The following MECOM variants were observed in gnomAD, a reference collection of about 807,000 sequenced individuals.
MECOM encodes the protein MDS1 and EVI1 complex locus.
MECOM carries 13 observed loss-of-function variants against 116.3 expected under a neutral mutation model. The ratio of observed to expected loss-of-function variants is 0.11; its 90% CI spans 0.07 to 0.18. The LOEUF (loss-of-function observed/expected upper bound fraction) is 0.18. Ranked by LOEUF, MECOM falls within the 10% of genes least tolerant of loss-of-function variation. The pLI is 1.00. For synonymous variants in MECOM, 528 were observed against 535.2 expected, an observed-to-expected ratio of 0.99 and a Z score of 0.19; for missense variants, 1,299 against 1,509.0, an observed-to-expected ratio of 0.86 and a Z score of 2.31.
chr3:169,190,157 T>C (rs766440360), intron 2 of MECOM, among the ~76,000 whole-genome samples: 118 of 152,194 alleles, frequency 7.8e-4, no homozygotes, highest in Non-Finnish European at 1.4e-3. Flanking sequence ...AACACAAAAA[T>C]AGTATTCACA....
chr3:169,503,531 T>C (rs1754807875), intron 1 of MECOM, among the ~76,000 whole-genome samples: 1 of 152,194 alleles, frequency 6.6e-6, no homozygotes, highest in South Asian at 2.1e-4. Flanking sequence ...ATCTTTCTTT[T>C]AGGTTTACAA....
chr3:169,485,961 A>ATG (rs1752214659), intron 1 of MECOM, among the ~76,000 whole-genome samples: 8 of 87,330 alleles, frequency 9.2e-5, no homozygotes, highest in Admixed American at 7.4e-4. Context: ...ATGTACATAT[A>ATG]TACTATATAT....
rs1048251860 is a variant in MECOM, at chr3:169,120,593, T to C, written c.1132+463A>G. Among the ~76,000 whole-genome samples the C allele has an allele frequency of 3.9e-5, 6 of 152,322 alleles. No individual in the cohort carries two copies. The South Asian group carries it at 6.2e-4, about 16-fold the overall frequency. ...ATCCCCCTCGCTCTCTCCACACACA[T>C]ATACTCACATACATGCACACAGAGC... On this transcript the variant is annotated intron_variant, in intron 7 of 16. Transcript: ENST00000651503.
At chr3:169,479,141 G>A (rs1388176082) in intron 1 of MECOM, among the ~76,000 whole-genome samples, 4 of 152,136 alleles carry the variant, frequency 2.6e-5, no homozygotes, top group Non-Finnish European at 4.4e-5. Flanking sequence ...TCATAAATGT[G>A]ATAAGTAGCA....
intron 2 of MECOM, among the ~76,000 whole-genome samples, chr3:169,333,612 T>C (rs1244913072): frequency 3.3e-5 from 5 of 152,216 alleles, no homozygotes; most frequent in African/African-American, 4.8e-5. Flanking sequence ...TTATTTGTAT[T>C]ACAAGTAAAT....
At chr3:169,145,533 GA>G (rs968626128) in intron 2 of MECOM, 2 of 222,730 alleles carry the variant, frequency 9.0e-6, no homozygotes, top group Non-Finnish European at 1.8e-5. Flanking sequence ...GCAAAAAAAA[GA>G]AAAAAAAGAA....
At chr3:169,489,895 GACT>G (rs1371932802) in intron 1 of MECOM, among the ~76,000 whole-genome samples, 1 of 152,086 alleles carries the variant, frequency 6.6e-6, no homozygotes, top group African/African-American at 2.4e-5. Flanking sequence ...TCATAGATTT[GACT>G]ACTTCAAAAA....
At chr3:169,551,003 T>C (rs957921071) in intron 1 of MECOM, among the ~76,000 whole-genome samples, 1 of 98,026 alleles carries the variant, frequency 1.0e-5, no homozygotes, top group African/African-American at 3.2e-5. Flanking sequence ...TTTTGTATTT[T>C]TAGTAGAGAC....
intron 1 of MECOM, among the ~76,000 whole-genome samples, chr3:169,409,981 A>G (rs1423870760): frequency 6.6e-6 from 1 of 152,212 alleles, no homozygotes; most frequent in Non-Finnish European, 1.5e-5. Context: ...AGTATTTATC[A>G]TTCACCAATA....
intron 1 of MECOM, among the ~76,000 whole-genome samples, chr3:169,475,581 GT>G (rs1239023396): frequency 0.038 from 5,537 of 147,168 alleles, 323 homozygotes; most frequent in African/African-American, 0.13. Flanking sequence ...AAAAGTCGAA[GT>G]TTTTTTTTTT....
At chr3:169,136,986 G>T (rs1397496207) in intron 3 of MECOM, among the ~76,000 whole-genome samples, 2 of 152,028 alleles carry the variant, frequency 1.3e-5, no homozygotes, top group African/African-American at 4.8e-5. Flanking sequence ...TGAAATAATA[G>T]AGAAATATAC....
chr3:169,279,349 C>T (rs887470474), intron 2 of MECOM, among the ~76,000 whole-genome samples: 4 of 152,176 alleles, frequency 2.6e-5, no homozygotes, highest in African/African-American at 7.2e-5. Flanking sequence ...GTTTCTTCCT[C>T]ACCACATTCC....
At position 169,621,852 on chromosome 3, in the gene MECOM, G is replaced by C. The variant is rs188677342; in HGVS notation, c.37+41484C>G. On this transcript the variant is annotated intron_variant, in intron 1 of 16. Coordinates refer to ENST00000651503, the MANE Select transcript of MECOM (RefSeq NM_004991.4). ...TAAATAGGTGCCCAGAACATCTGTA[G>C]TGCTAGCTCTGCACTGTCACTCTCA... is the stretch of plus-strand genomic sequence containing the variant. Among the ~76,000 whole-genome samples the C allele has an allele frequency of 3.7e-3, 558 of 152,314 alleles. 9 individuals are homozygous for C. Among genetic ancestry groups the C allele is most frequent in the Admixed American group, 0.03 (466 of 15,296 alleles).
At chr3:169,419,799 A>G (rs1417651584) in intron 1 of MECOM, among the ~76,000 whole-genome samples, 6 of 152,224 alleles carry the variant, frequency 3.9e-5, no homozygotes, top group Non-Finnish European at 5.9e-5. Flanking sequence ...AACAAAAGAA[A>G]CTATCATCAG....
At chr3:169,249,611 G>A (rs529013463) in intron 2 of MECOM, among the ~76,000 whole-genome samples, 20 of 152,174 alleles carry the variant, frequency 1.3e-4, no homozygotes, top group Admixed American at 2.0e-4. Context: ...ATAAAATTTC[G>A]TGGTAATCAA....
intron 10 of MECOM, among the ~76,000 whole-genome samples, chr3:169,103,414 A>G (rs1285820511): frequency 6.6e-6 from 1 of 152,138 alleles, no homozygotes; most frequent in African/African-American, 2.4e-5. Flanking sequence ...CTTTCAGGCC[A>G]TCCTGTTAAA....
chr3:169,213,722 C>T (rs1292993291), intron 2 of MECOM, among the ~76,000 whole-genome samples: 3 of 152,122 alleles, frequency 2.0e-5, no homozygotes, highest in African/African-American at 7.2e-5. Flanking sequence ...ACTGACCTGA[C>T]TTTATGAATA....
At chr3:169,378,514 A>AAAAGAAAG (rs1159428318) in intron 2 of MECOM, among the ~76,000 whole-genome samples, 24 of 26,872 alleles carry the variant, frequency 8.9e-4, no homozygotes, top group Non-Finnish European at 1.3e-3. Context: ...AGAAAGAAAG[A>AAAAGAAAG]AAAGAAAGAA....
intron 3 of MECOM, among the ~76,000 whole-genome samples, chr3:169,133,705 C>G (rs1229302284): frequency 6.6e-6 from 1 of 152,124 alleles, no homozygotes; most frequent in Non-Finnish European, 1.5e-5. Flanking sequence ...CCTATTAACC[C>G]TAGCTGTTCA....
Sources: gnomAD v4.1 joint callset for allele counts (sites outside exome capture counted in the v4.1 genomes callset) on GRCh38, gnomAD v4.1.1 for gene constraint, MANE v1.5 for transcripts, NCBI Gene and HGNC (gene_info 2026-07-23, HGNC 2026-07-21) for gene names.